VIT: variants seen among roughly 807,000 people sequenced by gnomAD.
VIT encodes the protein vitrin.
A neutral mutation model predicts 78.0 loss-of-function variants in VIT; 99 were observed. That is an observed-to-expected ratio of 1.27 (90% confidence interval 1.08 to 1.50). The LOEUF (loss-of-function observed/expected upper bound fraction) is 1.50. Among genes scored for constraint, VIT ranks in the 40% most tolerant of loss-of-function variants. The pLI is 0.00. For missense variants in VIT, 1,126 were observed against 875.3 expected (o/e 1.29, Z -3.61); for synonymous variants, 374 against 334.3 (o/e 1.12, Z -1.29).
At position 36,734,786 on chromosome 2, in the gene VIT, T is replaced by C. The variant is rs1053678159; in HGVS notation, c.118+5295T>C. 4.6e-5 allele frequency among the ~76,000 whole-genome samples: 7 copies of C among 152,274 alleles called. No individual in the cohort carries two copies. The East Asian group carries it at 1.2e-3, about 25-fold the overall frequency. On this transcript the variant is annotated intron_variant, in intron 3 of 15. Transcript: ENST00000379242. ...TCCTTCTTTGCATTTCTTTGGTCTG[T>C]CCGTGGGCTCCAGTGCCCCCCATGG... is the stretch of plus-strand genomic sequence containing the variant.
At chr2:36,766,889 G>A (rs932545996) in intron 6 of VIT, among the ~76,000 whole-genome samples, 1 of 152,190 alleles carries the variant, frequency 6.6e-6, no homozygotes, top group Non-Finnish European at 1.5e-5. Context: ...TATTGCTATT[G>A]AATCTTTGGT....
chr2:36,753,889 G>A (rs1001063639), intron 4 of VIT, among the ~76,000 whole-genome samples: 2 of 152,158 alleles, frequency 1.3e-5, no homozygotes, highest in Non-Finnish European at 2.9e-5. Context: ...CTTAAGGTGA[G>A]TTCAACCTGG....
At chr2:36,734,628 G>C (rs150618785) in intron 3 of VIT, among the ~76,000 whole-genome samples, 95 of 152,324 alleles carry the variant, frequency 6.2e-4, no homozygotes, top group Middle Eastern at 3.4e-3. Context: ...CCTTGGACTT[G>C]GCTTGAAAAC....
intron 2 of VIT, among the ~76,000 whole-genome samples, chr2:36,717,459 A>C (rs1666238417): frequency 7.0e-6 from 1 of 143,572 alleles, no homozygotes; most frequent in Admixed American, 7.2e-5. Flanking sequence ...GATGGTCTCG[A>C]TCTCCTGACC....
At chr2:36,808,383 T>G (rs1163388108) in intron 14 of VIT, 89 bp from the exon 15 acceptor site, 4 of 1,477,406 alleles carry the variant, frequency 2.7e-6, no homozygotes, top group Non-Finnish European at 3.6e-6. Flanking sequence ...CCTGCTTGCT[T>G]CTTCACCTGC....
At chr2:36,765,079 C>T (rs953473226) in intron 6 of VIT, among the ~76,000 whole-genome samples, 4 of 152,020 alleles carry the variant, frequency 2.6e-5, no homozygotes, top group African/African-American at 9.7e-5. Flanking sequence ...TGAATGTTTC[C>T]TTATATGGAA....
At chr2:36,709,433 A>G (rs1355010661) in intron 1 of VIT, among the ~76,000 whole-genome samples, 2 of 152,186 alleles carry the variant, frequency 1.3e-5, no homozygotes, top group Non-Finnish European at 2.9e-5. Flanking sequence ...GACACTTAGT[A>G]TATGTTCAGC....
At chr2:36,754,627 G>A (rs935569279) in intron 4 of VIT, among the ~76,000 whole-genome samples, 2 of 152,140 alleles carry the variant, frequency 1.3e-5, no homozygotes, top group African/African-American at 4.8e-5. Flanking sequence ...AGAGCTAGTG[G>A]GAATGAGAAA....
intron 12 of VIT, among the ~76,000 whole-genome samples, chr2:36,795,191 C>T (rs1177236440): frequency 6.6e-6 from 1 of 152,064 alleles, no homozygotes; most frequent in East Asian, 1.9e-4. Context: ...AATTTGCCTA[C>T]TCCTTAAAGT....
At chr2:36,765,645 C>T (rs527304213) in intron 6 of VIT, among the ~76,000 whole-genome samples, 114 of 152,192 alleles carry the variant, frequency 7.5e-4, no homozygotes, top group African/African-American at 2.3e-3. Context: ...GGTCATATGA[C>T]GACGGAGCAG....
intron 1 of VIT, among the ~76,000 whole-genome samples, chr2:36,706,561 T>C (rs867844619): frequency 1.3e-4 from 20 of 152,294 alleles, no homozygotes; most frequent in Non-Finnish European, 1.9e-4. Flanking sequence ...CTCTTATACA[T>C]CTTATTCAGG....
At chr2:36,711,521 G>T (rs1665796232) in intron 1 of VIT, among the ~76,000 whole-genome samples, 1 of 152,154 alleles carries the variant, frequency 6.6e-6, no homozygotes, top group South Asian at 2.1e-4. Flanking sequence ...CTTACCCACT[G>T]CAGACCTCAG....
intron 13 of VIT, among the ~76,000 whole-genome samples, chr2:36,803,584 CA>C (rs1438679570): frequency 6.6e-6 from 1 of 152,128 alleles, no homozygotes; most frequent in Non-Finnish European, 1.5e-5. Context: ...GCTATAAAAG[CA>C]ATTCTTAGCA....
intron 3 of VIT, among the ~76,000 whole-genome samples, chr2:36,740,132 GGATC>G (rs1475576198): frequency 6.6e-6 from 1 of 152,090 alleles, no homozygotes; most frequent in African/African-American, 2.4e-5. Flanking sequence ...TGCACTTTTA[GGATC>G]AAACTCAGAG....
At position 36,759,016 on chromosome 2, in the gene VIT, T is replaced by A. The variant is rs780998679; in HGVS notation, c.457T>A (p.Ser153Thr). The change falls in exon 6 of 16, where the codon TCA becomes ACA. Residue 153 changes from serine (S) to threonine (T), a missense_variant. Ser to Thr is a moderately conservative substitution (Grantham distance 58). Coordinates refer to ENST00000379242, the MANE Select transcript of VIT (RefSeq NM_053276.4). ...GVTYPSALTY[S>T]SSKSPAAQAG... ...AACCTACCCATCAGCTCTTACATAC[T>A]CATCATCGAAAAGTCCAGCTGCCCA... 4.3e-6 allele frequency: 7 copies of A among 1,614,068 alleles called. No individual in the cohort carries two copies. In the South Asian group the frequency reaches 5.5e-5, roughly 13 times the overall value.
rs1558590434 is a variant in VIT, at chr2:36,805,460, C to T, written c.1185C>T (p.Thr395=). 1 of 1,612,216 alleles carries T rather than the reference C, an allele frequency of 6.2e-7. No individual in the cohort carries two copies. Among genetic ancestry groups the T allele is most frequent in the Non-Finnish European group, 8.5e-7 (1 of 1,179,108 alleles). ...CAGGTCGGGCCATCTCCTTTGTGACCAAGAACTTCTTTTCCAAAGCCAATG... is the reference window on the plus strand; with the variant it reads ...CAGGTCGGGCCATCTCCTTTGTGACTAAGAACTTCTTTTCCAAAGCCAATG... The part of the protein sequence containing the change: ...SNVGRAISFV[T]KNFFSKANGN... Residue 395 remains threonine (T), a synonymous_variant, in exon 14 of 16, where the codon ACC becomes ACT. Coordinates refer to ENST00000379242, the MANE Select transcript of VIT (RefSeq NM_053276.4).
rs772798413 is a variant in VIT at position 36,808,519 on chromosome 2, G to T, written c.1437G>T (p.Trp479Cys). 1 of 1,613,632 alleles carries T rather than the reference G, an allele frequency of 6.2e-7. No homozygotes were observed. ...TCTACTCGCTCCACGTGCAGAGCTGGTTTGGCCTCCACAAGACCCTGCAGC... is the reference window on the plus strand; with the variant it reads ...TCTACTCGCTCCACGTGCAGAGCTGTTTTGGCCTCCACAAGACCCTGCAGC... ...NGFYSLHVQS[W>C]FGLHKTLQPL... Residue 479 changes from tryptophan to cysteine, a missense_variant, in exon 15 of 16, where the codon TGG (tryptophan) becomes TGT (cysteine). Trp to Cys is a radical substitution (Grantham distance 215, BLOSUM62 -2). Coordinates refer to ENST00000379242, the MANE Select transcript of VIT (RefSeq NM_053276.4).
At chr2:36,743,364 T>G (rs1207952749) in intron 4 of VIT, 108 bp downstream of exon 4, 1 of 1,169,558 alleles carries the variant, frequency 8.6e-7, no homozygotes, top group Non-Finnish European at 1.2e-6. Flanking sequence ...AAATATTTTT[T>G]AGCTCAAAAT....
chr2:36,718,319 T>C (rs1666291694), intron 2 of VIT, among the ~76,000 whole-genome samples: 1 of 151,994 alleles, frequency 6.6e-6, no homozygotes, highest in Non-Finnish European at 1.5e-5. Flanking sequence ...GTAATACAGC[T>C]GGGAAGGCAA....
Sources: gnomAD v4.1 joint callset for allele counts (sites outside exome capture counted in the v4.1 genomes callset) on GRCh38, gnomAD v4.1.1 for gene constraint, MANE v1.5 for transcripts, NCBI Gene and HGNC (gene_info 2026-07-23, HGNC 2026-07-21) for gene names.